BCAT1: variants seen among roughly 807,000 people sequenced by gnomAD.
BCAT1 encodes branched chain amino acid transaminase 1.
In BCAT1, 48 loss-of-function variants were observed where a neutral mutation model predicts 52.4. The ratio of observed to expected loss-of-function variants is 0.92; its 90% CI spans 0.73 to 1.16. The LOEUF is 1.16. BCAT1 is among the 50% of genes most tolerant of loss of function. The pLI is 0.00. For missense variants in BCAT1, 451 were observed against 457.1 expected (o/e 0.99, Z 0.12); for synonymous variants, 167 against 161.3 (o/e 1.04, Z -0.27).
chr12:24,889,926 C>T (rs1249136684), intron 3 of BCAT1, among the ~76,000 whole-genome samples: 1 of 152,136 alleles, frequency 6.6e-6, no homozygotes, highest in Non-Finnish European at 1.5e-5. Flanking sequence ...CATAAAAACC[C>T]AAAAGAATGA....
chr12:24,907,456 C>T (rs950252338), intron 1 of BCAT1, among the ~76,000 whole-genome samples: 1 of 152,220 alleles, frequency 6.6e-6, no homozygotes, highest in African/African-American at 2.4e-5. Flanking sequence ...CGTATACATC[C>T]AGATGGCCTG....
Position 24,816,669 on chromosome 12 carries a change from T to C in BCAT1, c.*1339A>G. The C allele has an allele frequency of 2.5e-6, 1 of 397,376 alleles. No individual in the cohort carries two copies. The highest frequency in any genetic ancestry group is 4.4e-6 in the Non-Finnish European group (1 of 225,368). 24.6% of individuals were successfully genotyped at this position (397,376 alleles called of 1,614,324 possible). On this transcript the variant is annotated 3_prime_UTR_variant, in exon 11 of 11. Transcript: ENST00000261192. ...TGTCATTTCCATTTGGTTGGTATGA[T>C]ATCATGACCTCTCTCTAGAGCAGTG... is the stretch of plus-strand genomic sequence containing the variant.
chr12:24,849,353 C>T (rs1941433207), intron 6 of BCAT1, among the ~76,000 whole-genome samples: 1 of 152,244 alleles, frequency 6.6e-6, no homozygotes, highest in East Asian at 1.9e-4. Context: ...GCACCTTCCC[C>T]AGACATGACT....
intron 10 of BCAT1, among the ~76,000 whole-genome samples, chr12:24,822,332 GAA>G (rs1940173139): frequency 6.6e-6 from 1 of 152,178 alleles, no homozygotes; most frequent in South Asian, 2.1e-4. Flanking sequence ...TACAGAAGTT[GAA>G]AAGTCAAATC....
chr12:24,837,647 G>A (rs747705386), intron 7 of BCAT1, among the ~76,000 whole-genome samples: 11 of 151,812 alleles, frequency 7.2e-5, no homozygotes, highest in Admixed American at 4.6e-4. Flanking sequence ...GGCTGGTCTC[G>A]AACTCCTGAG....
At chr12:24,935,289 A>T (rs1464438909) in intron 1 of BCAT1, among the ~76,000 whole-genome samples, 7 of 152,256 alleles carry the variant, frequency 4.6e-5, no homozygotes, top group Non-Finnish European at 1.0e-4. Context: ...TCACGTGGAC[A>T]TGAAGCCAAG....
intron 1 of BCAT1, among the ~76,000 whole-genome samples, chr12:24,934,590 G>A (rs777992440): frequency 6.6e-6 from 1 of 152,164 alleles, no homozygotes; most frequent in Non-Finnish European, 1.5e-5. Context: ...TTTAACTCTT[G>A]TCACCCAGGC....
chr12:24,850,270 G>A (rs889084282), intron 5 of BCAT1, among the ~76,000 whole-genome samples: 3 of 152,170 alleles, frequency 2.0e-5, no homozygotes, highest in Non-Finnish European at 2.9e-5. Flanking sequence ...CACCTTTCAA[G>A]GTTGCATGAT....
At chr12:24,820,855 C>T (rs760584449) in intron 10 of BCAT1, among the ~76,000 whole-genome samples, 1 of 152,030 alleles carries the variant, frequency 6.6e-6, no homozygotes, top group Non-Finnish European at 1.5e-5. Context: ...AAATTCCTGG[C>T]AAAACAAAAG....
rs200551819 is a variant in BCAT1, at chr12:24,917,048, T to TA, written c.7-15164dup. 9.9e-3 allele frequency among the ~76,000 whole-genome samples: 1,512 copies of TA among 152,058 alleles called. 24 individuals are homozygous for TA. Among genetic ancestry groups the TA allele is most frequent in the African/African-American group, 0.033 (1,377 of 41,486 alleles). ...TTTCTTGAGTCTGGAAAACAAAACA[T>TA]AAAAAAAATCAGTAATGTTTCAAAC... On this transcript the variant is annotated intron_variant, in intron 1 of 10. Coordinates refer to ENST00000261192, the MANE Select transcript of BCAT1 (RefSeq NM_005504.7).
chr12:24,842,134 G>A lies in BCAT1; in HGVS notation c.765C>T (p.Ile255=). The A allele has an allele frequency of 6.2e-7, 1 of 1,613,732 alleles. No homozygotes were observed. The highest frequency in any genetic ancestry group is 8.5e-7 in the Non-Finnish European group (1 of 1,179,672). Residue 255 remains isoleucine (I), a synonymous_variant, in exon 7 of 11, where the codon ATC becomes ATT. Coordinates refer to ENST00000261192, the MANE Select transcript of BCAT1 (RefSeq NM_005504.7). Reference sequence around the variant, plus strand: ...AAAGATTCATAGTTCCCACTTCAGTGATCTGATGGTCCTCTCCATAGAGCC... The same window carrying A: ...AAAGATTCATAGTTCCCACTTCAGTAATCTGATGGTCCTCTCCATAGAGCC... ...VLWLYGEDHQ[I]TEVGTMNLFL...
In BCAT1 at chr12:24,811,516, G is replaced by A. The variant is rs569747822; in HGVS notation, c.*6492C>T. The A allele has an allele frequency of 2.0e-5, 3 of 152,100 alleles. No homozygotes were observed. The highest frequency in any genetic ancestry group is 4.4e-5 in the Non-Finnish European group (3 of 68,006). 9.4% of individuals were successfully genotyped at this position (152,100 alleles called of 1,614,324 possible). ...AATATAGAGTTCTTCACACCAGATG[G>A]CTCTGGTGTAACAAAGCCATTTTAG... On this transcript the variant is annotated 3_prime_UTR_variant, in exon 11 of 11. Transcript: ENST00000261192.
At chr12:24,933,385 T>C (rs1943707704) in intron 1 of BCAT1, among the ~76,000 whole-genome samples, 2 of 152,248 alleles carry the variant, frequency 1.3e-5, no homozygotes, top group Non-Finnish European at 2.9e-5. Flanking sequence ...GGTCACTCAA[T>C]AGCAAAGCTG....
intron 1 of BCAT1, among the ~76,000 whole-genome samples, chr12:24,940,488 G>A (rs1407147865): frequency 6.6e-6 from 1 of 152,060 alleles, no homozygotes; most frequent in African/African-American, 2.4e-5. Flanking sequence ...TATATTCATG[G>A]AACTACTGAC....
At chr12:24,859,448 G>A (rs778123442) in intron 5 of BCAT1, among the ~76,000 whole-genome samples, 4 of 151,790 alleles carry the variant, frequency 2.6e-5, no homozygotes, top group South Asian at 2.1e-4. Context: ...GTGAAACCCC[G>A]TCTCTACTAA....
chr12:24,902,041 A>C, intron 1 of BCAT1, 156 bp from the exon 2 acceptor site: 1 of 1,549,604 alleles, frequency 6.5e-7, no homozygotes, highest in Admixed American at 1.9e-5. Flanking sequence ...CCAGGCCCGA[A>C]CCTCCAACAA....
At chr12:24,928,661 C>T (rs7960010) in intron 1 of BCAT1, among the ~76,000 whole-genome samples, 22,762 of 140,596 alleles carry the variant, frequency 0.16, 2,114 homozygotes, top group East Asian at 0.29. Flanking sequence ...CCAAGAAAAA[C>T]GAAAATACAA....
intron 10 of BCAT1, among the ~76,000 whole-genome samples, chr12:24,827,886 T>G (rs1322377849): frequency 6.6e-6 from 1 of 152,026 alleles, no homozygotes; most frequent in Non-Finnish European, 1.5e-5. Flanking sequence ...TAAAACTGCC[T>G]TTTAAACTCT....
At chr12:24,826,151 A>C (rs1338259287) in intron 10 of BCAT1, among the ~76,000 whole-genome samples, 1 of 152,138 alleles carries the variant, frequency 6.6e-6, no homozygotes, top group Non-Finnish European at 1.5e-5. Context: ...GGTCAATGCC[A>C]CAATGAGCCA....
Sources: allele counts gnomAD v4.1 joint callset (sites outside exome capture counted in the v4.1 genomes callset), GRCh38; gene constraint gnomAD v4.1.1; transcripts MANE v1.5; gene names NCBI Gene and HGNC (gene_info 2026-07-23, HGNC 2026-07-21).